BCAS3: variants seen among roughly 807,000 people sequenced by gnomAD.
BCAS3 encodes the protein BCAS3 microtubule associated cell migration factor.
Under a neutral mutation model 116.1 loss-of-function variants are expected in BCAS3, and 53 were observed. That is an observed-to-expected ratio of 0.46 (90% CI 0.37 to 0.57). The LOEUF is 0.57. BCAS3 is among the 20% of genes least tolerant of loss of function. The pLI is 0.00. For synonymous variants in BCAS3, 391 were observed against 408.2 expected, an observed-to-expected ratio of 0.96 and a Z score of 0.51; for missense variants, 917 against 1,165.4, an observed-to-expected ratio of 0.79 and a Z score of 3.10.
chr17:61,143,023 ATTAT>A (rs1467938614), intron 22 of BCAS3, among the ~76,000 whole-genome samples: 4 of 152,002 alleles, frequency 2.6e-5, no homozygotes, highest in African/African-American at 9.7e-5. Flanking sequence ...TCTCTTTCTG[ATTAT>A]TTATTAAAAG....
At chr17:60,987,155 G>T (rs188179694) in intron 14 of BCAS3, 1 of 151,600 alleles carries the variant, frequency 6.6e-6, no homozygotes, top group Admixed American at 6.6e-5. Context: ...ATGTAGATTT[G>T]TTTCTTGGTT....
chr17:61,367,025 G>A lies in BCAS3; in HGVS notation c.2426-1302G>A, dbSNP rs1345740793. ...ATTATCAGAGGCAGGACCGCCTGCC[G>A]AGGCTGGGGCTCGCACCCTCTCTAT... On this transcript the variant is annotated intron_variant, in intron 22 of 23. Transcript: ENST00000407086. This position sits in a 1 kb window ranked among gnomAD's most constrained non-coding sequence, Gnocchi z 6.2. Among the ~76,000 whole-genome samples the A allele has an allele frequency of 6.6e-6, 1 of 152,214 alleles. No individual in the cohort carries two copies. The highest frequency in any genetic ancestry group is 1.5e-5 in the Non-Finnish European group (1 of 68,042).
chr17:61,258,906 A>G lies in BCAS3; in HGVS notation c.2426-109421A>G, dbSNP rs148676099. On this transcript the variant is annotated intron_variant, in intron 22 of 23. Coordinates refer to ENST00000407086, the MANE Select transcript of BCAS3 (RefSeq NM_017679.5). This position sits in a 1 kb window ranked among gnomAD's most constrained non-coding sequence, Gnocchi z 4.7. Reference sequence around the variant, plus strand: ...CCGTCCCTCTTAATTTTATTAATCCATTCTAAACTGACAGATGTTGCAGTG... The same window carrying G: ...CCGTCCCTCTTAATTTTATTAATCCGTTCTAAACTGACAGATGTTGCAGTG... Among the ~76,000 whole-genome samples the G allele has an allele frequency of 6.5e-3, 992 of 152,316 alleles. 3 individuals carry two copies. The highest frequency in any genetic ancestry group is 0.023 in the African/African-American group (941 of 41,560).
chr17:61,328,800 A>T (rs1461099516), intron 22 of BCAS3, among the ~76,000 whole-genome samples: 2 of 151,792 alleles, frequency 1.3e-5, no homozygotes, highest in African/African-American at 2.4e-5. Context: ...ATGCCAGCAC[A>T]TCTGGTGTGT....
intron 6 of BCAS3, among the ~76,000 whole-genome samples, chr17:60,799,494 C>T (rs903333262): frequency 7.0e-6 from 1 of 143,690 alleles, no homozygotes; most frequent in East Asian, 2.0e-4. Context: ...TAGAATTATA[C>T]AATATGTAAG....
Position 61,298,819 on chromosome 17 carries a change from T to TGTA in BCAS3, c.2426-69508_2426-69507insGTA, listed in dbSNP as rs200805861. Among the ~76,000 whole-genome samples the TGTA allele has an allele frequency of 4.1e-3, 399 of 98,122 alleles. 17 individuals are homozygous for TGTA. The East Asian group carries it at 0.073, about 18-fold the overall frequency. The allele number at this position is 98,122 out of a possible 152,430, so 64.4% of individuals were successfully genotyped here. On this transcript the variant is annotated intron_variant, in intron 22 of 23. Coordinates refer to ENST00000407086, the MANE Select transcript of BCAS3 (RefSeq NM_017679.5). ...ATTTATTTATTTATTTATTTATTTA[T>TGTA]TTATTATTATTATTATTATTTGAGA... is the stretch of plus-strand genomic sequence containing the variant.
At chr17:61,070,972 GA>G (rs1035286463) in intron 19 of BCAS3, among the ~76,000 whole-genome samples, 1 of 152,062 alleles carries the variant, frequency 6.6e-6, no homozygotes, top group East Asian at 1.9e-4. Context: ...CAAAAACTAA[GA>G]AAAGTATTAA....
chr17:61,304,216 T>G (rs1446854562), intron 22 of BCAS3, among the ~76,000 whole-genome samples: 2 of 152,232 alleles, frequency 1.3e-5, no homozygotes, highest in Non-Finnish European at 2.9e-5. Flanking sequence ...TTCCCACCTT[T>G]ACTTTGGCCT....
At position 61,087,473 on chromosome 17, in the gene BCAS3, A is replaced by G. The variant is rs1170762543; in HGVS notation, c.2425+2909A>G. 6.6e-6 allele frequency: 1 copy of G among 152,606 alleles called. No individual in the cohort carries two copies. Among genetic ancestry groups the G allele is most frequent in the Non-Finnish European group, 1.5e-5 (1 of 68,394 alleles). The allele number at this position is 152,606 out of a possible 1,614,324, so 9.5% of individuals were successfully genotyped here. On this transcript the variant is annotated intron_variant, in intron 22 of 23. Transcript: ENST00000407086. This position sits in a 1 kb window ranked among gnomAD's most constrained non-coding sequence, Gnocchi z 4.6. The stretch of plus-strand genomic sequence containing the variant: ...TGTGATATAATTAAATCCTTTGACA[A>G]TTATAACAGTTTTTAAAGTGAAAAT...
At chr17:61,334,724 A>G (rs2056584907) in intron 22 of BCAS3, among the ~76,000 whole-genome samples, 2 of 151,952 alleles carry the variant, frequency 1.3e-5, no homozygotes, top group African/African-American at 4.8e-5. Flanking sequence ...CATTGAGCCA[A>G]TGTCTTACAC....
At chr17:61,048,136 T>C (rs2068514273) in intron 19 of BCAS3, among the ~76,000 whole-genome samples, 1 of 152,036 alleles carries the variant, frequency 6.6e-6, no homozygotes, top group South Asian at 2.1e-4. Context: ...GAAAATATTT[T>C]ATATGTTTCA....
chr17:61,184,299 G>A (rs565553980), intron 22 of BCAS3, among the ~76,000 whole-genome samples: 4 of 151,524 alleles, frequency 2.6e-5, no homozygotes, highest in African/African-American at 7.2e-5. Context: ...CAATAATGAG[G>A]AAAAAAACTC....
rs1391844036 is a variant in BCAS3, at chr17:60,964,688, G to C, written c.1221+17336G>C. ...GTCCTGGGATTTTCTTGCTTTTTAT[G>C]GAGGCTTTTTATTACAGCTTCAGTT... On this transcript the variant is annotated intron_variant, in intron 14 of 23. Transcript: ENST00000407086. The surrounding 1 kb of genome is among the most constrained non-coding windows in gnomAD (Gnocchi z 4.6). Among the ~76,000 whole-genome samples the C allele has an allele frequency of 6.6e-6, 1 of 151,994 alleles. No individual in the cohort carries two copies. The highest frequency in any genetic ancestry group is 1.5e-5 in the Non-Finnish European group (1 of 67,962).
At chr17:60,936,429 G>A (rs1369040784) in intron 13 of BCAS3, among the ~76,000 whole-genome samples, 1 of 151,988 alleles carries the variant, frequency 6.6e-6, no homozygotes, top group East Asian at 1.9e-4. Flanking sequence ...CTGAGGAATC[G>A]CCACACTGAC....
intron 22 of BCAS3, among the ~76,000 whole-genome samples, chr17:61,125,971 G>A (rs1465746923): frequency 6.6e-6 from 1 of 152,104 alleles, no homozygotes; most frequent in Non-Finnish European, 1.5e-5. Context: ...TTTCCACAAA[G>A]ATTTAAAATT....
intron 7 of BCAS3, among the ~76,000 whole-genome samples, chr17:60,862,777 A>G (rs895826278): frequency 1.3e-5 from 2 of 152,184 alleles, no homozygotes; most frequent in Admixed American, 1.3e-4. Flanking sequence ...CTGAGACTAC[A>G]GGTGCATGCA....
chr17:60,766,590 C>G (rs868049508), intron 6 of BCAS3, among the ~76,000 whole-genome samples: 17 of 152,298 alleles, frequency 1.1e-4, no homozygotes, highest in Admixed American at 2.0e-4. Context: ...GGGCACCCGG[C>G]TGTATGAGGT....
rs765273687 is a variant in BCAS3, at chr17:60,924,515, TGTC to T, written c.1087+16_1087+18del. 2.3e-5 allele frequency: 35 copies of T among 1,531,500 alleles called. No homozygotes were observed. Among genetic ancestry groups the T allele is most frequent in the East Asian group, 1.8e-4 (8 of 44,148 alleles). 94.9% of individuals were successfully genotyped at this position (1,531,500 alleles called of 1,614,324 possible). A position where few individuals can be genotyped will look rare whatever the true frequency, so the allele number is the denominator to read the frequency against. Reference sequence around the variant, plus strand: ...TAATACAAGTGGTAAGTTCGCTCTCTGTCTTTTTTTTTTTTTTTTTTGTAGACC... The same window carrying T: ...TAATACAAGTGGTAAGTTCGCTCTCTTTTTTTTTTTTTTTTTTTGTAGACC... On this transcript the variant is annotated intron_variant, in intron 13 of 23. Transcript: ENST00000407086.
rs2144462893 is a variant in BCAS3 at position 61,235,174 on chromosome 17, A to G, written c.2426-133153A>G. On this transcript the variant is annotated intron_variant, in intron 22 of 23. Coordinates refer to ENST00000407086, the MANE Select transcript of BCAS3 (RefSeq NM_017679.5). This position sits in a 1 kb window ranked among gnomAD's most constrained non-coding sequence, Gnocchi z 5.0. ...AGTGCTGGGATTATAGGCGTGAACC[A>G]CCACGCCTGGCTGTCTGCCCCCCGC... Among the ~76,000 whole-genome samples, 1 of 152,300 alleles carries G rather than the reference A, an allele frequency of 6.6e-6. No individual in the cohort carries two copies. Among genetic ancestry groups the G allele is most frequent in the Non-Finnish European group, 1.5e-5 (1 of 68,028 alleles).
Sources: gnomAD v4.1 joint callset for allele counts (sites outside exome capture counted in the v4.1 genomes callset) on GRCh38, gnomAD v4.1.1 for gene constraint, Gnocchi (gnomAD v3.1) non-coding constraint, MANE v1.5 for transcripts, NCBI Gene and HGNC (gene_info 2026-07-23, HGNC 2026-07-21) for gene names.